GCNT1: variants seen among roughly 807,000 people sequenced by gnomAD.
GCNT1 encodes beta-1,3-galactosyl-O-glycosyl-glycoprotein beta-1,6-N-acetylglucosaminyltransferase.
In GCNT1, 16 loss-of-function variants were observed where a neutral mutation model predicts 26.2. That is an observed-to-expected ratio of 0.61 (90% CI 0.41 to 0.93). The LOEUF (loss-of-function observed/expected upper bound fraction) is 0.93. GCNT1 is among the 40% of genes least tolerant of loss of function. The probability of loss-of-function intolerance (pLI) is 0.00; values close to 1 mark genes in which losing one functional copy is unlikely to be tolerated. For missense variants in GCNT1, 477 were observed against 526.7 expected (o/e 0.91, Z 0.92); for synonymous variants, 183 against 190.8 (o/e 0.96, Z 0.34).
intron 1 of GCNT1, among the ~76,000 whole-genome samples, chr9:76,447,151 CAAAAAAAAAAAA>C (rs532132124): frequency 0.04 from 1,456 of 36,100 alleles, 46 homozygotes; most frequent in Non-Finnish European, 0.044. Flanking sequence ...AACCCTGTGT[CAAAAAAAAAAAA>C]AAAAAAAAAA....
chr9:76,456,639 C>T (rs1823762059), upstream of GCNT1, among the ~76,000 whole-genome samples: 1 of 152,210 alleles, frequency 6.6e-6, no homozygotes, highest in Non-Finnish European at 1.5e-5. Flanking sequence ...ACCTTCTAAA[C>T]TACTTGTATA....
intron 2 of GCNT1, among the ~76,000 whole-genome samples, chr9:76,491,095 CTCTT>C (rs1322954164): frequency 2.6e-5 from 4 of 152,272 alleles, no homozygotes; most frequent in South Asian, 2.1e-4. Context: ...ACTTCCATCT[CTCTT>C]TCTTTCTCTT....
At chr9:76,399,442 G>T in the GCNT1 span, 1 of 1,550,316 alleles carries the variant, frequency 6.5e-7, no homozygotes, top group East Asian at 2.2e-5. Context: ...TTGCAGACTG[G>T]TCTGAAGGTG....
At chr9:76,489,107 A>T (rs1231451928) in intron 2 of GCNT1, among the ~76,000 whole-genome samples, 2 of 152,142 alleles carry the variant, frequency 1.3e-5, no homozygotes, top group Non-Finnish European at 2.9e-5. Context: ...TAAGGTACCT[A>T]TATCTGGTCT....
chr9:76,476,427 G>GAA (rs757427639), intron 2 of GCNT1, among the ~76,000 whole-genome samples: 1 of 138,476 alleles, frequency 7.2e-6, no homozygotes, highest in African/African-American at 2.7e-5. Flanking sequence ...TTTTAGATTT[G>GAA]AAAAAAAAAA....
rs761863720 is a variant in GCNT1, at chr9:76,502,401, G to A, written c.20G>A (p.Arg7Gln). Residue 7 changes from arginine to glutamine, a missense_variant, in exon 4 of 4, where the codon CGA becomes CAA. Transcript: ENST00000376730. MLRTLLRRRLFSYPTKY... is the reference protein window; with the variant it reads MLRTLLQRRLFSYPTKY... ...TTTGAAATGCTGAGGACGTTGCTGC[G>A]AAGGAGACTTTTTTCTTATCCCACC... is the stretch of plus-strand genomic sequence containing the variant. 3.7e-6 allele frequency: 6 copies of A among 1,611,888 alleles called. No homozygotes were observed. The highest frequency in any genetic ancestry group is 4.5e-5 in the East Asian group (2 of 44,858).
intron 2 of GCNT1, among the ~76,000 whole-genome samples, chr9:76,490,559 C>T (rs1424924500): frequency 6.6e-6 from 1 of 152,190 alleles, no homozygotes; most frequent in Admixed American, 6.5e-5. Flanking sequence ...ACACTGTTAA[C>T]GTTTAGCGAA....
chr9:76,463,234 TA>T (rs1216292261), intron 2 of GCNT1, among the ~76,000 whole-genome samples: 1 of 152,150 alleles, frequency 6.6e-6, no homozygotes, highest in Non-Finnish European at 1.5e-5. Context: ...AACTAATTTG[TA>T]AAACTCAGGA....
At chr9:76,446,637 C>T (rs1347312284) in intron 1 of GCNT1, among the ~76,000 whole-genome samples, 2 of 151,928 alleles carry the variant, frequency 1.3e-5, no homozygotes, top group East Asian at 3.9e-4. Context: ...TTTATAATAG[C>T]AAAAAACTGG....
intron 3 of GCNT1, among the ~76,000 whole-genome samples, 156 bp downstream of exon 3, chr9:76,501,217 T>G (rs1322878429): frequency 6.6e-6 from 1 of 152,250 alleles, no homozygotes; most frequent in Admixed American, 6.5e-5. Flanking sequence ...GAAATCTTGT[T>G]ATGAACAGAT....
In GCNT1 at chr9:76,504,413, C is replaced by T. The variant is rs1029465681; in HGVS notation, c.*745C>T. On this transcript the variant is annotated 3_prime_UTR_variant, in exon 4 of 4. Transcript: ENST00000376730. Reference sequence around the variant, plus strand: ...AAATTATAGCTTCTACCAAGAGAAACACTCAATTTTTCTAGAGATTTGCCT... The same window carrying T: ...AAATTATAGCTTCTACCAAGAGAAATACTCAATTTTTCTAGAGATTTGCCT... 9 of 214,380 alleles carry T rather than the reference C, an allele frequency of 4.2e-5. No individual in the cohort carries two copies. The highest frequency in any genetic ancestry group is 8.0e-5 in the Non-Finnish European group (8 of 99,936). 13.3% of individuals were successfully genotyped at this position (214,380 alleles called of 1,614,324 possible). A position where few individuals can be genotyped will look rare whatever the true frequency, so the allele number is the denominator to read the frequency against.
chr9:76,483,588 A>G (rs540916158), intron 2 of GCNT1, among the ~76,000 whole-genome samples: 18 of 151,610 alleles, frequency 1.2e-4, no homozygotes, highest in African/African-American at 4.4e-4. Context: ...CTAATTTTTA[A>G]ATTTTTCTTG....
chr9:76,491,895 T>C (rs1022146732), intron 2 of GCNT1, among the ~76,000 whole-genome samples: 9 of 152,180 alleles, frequency 5.9e-5, no homozygotes, highest in Non-Finnish European at 1.3e-4. Flanking sequence ...GCCATGAACT[T>C]CCTTTGGCAC....
upstream of GCNT1, among the ~76,000 whole-genome samples, chr9:76,456,336 C>T (rs1274336552): frequency 6.6e-6 from 1 of 152,152 alleles, no homozygotes; most frequent in Non-Finnish European, 1.5e-5. Flanking sequence ...CATCCAGCCT[C>T]AATATTTACC....
upstream of GCNT1, among the ~76,000 whole-genome samples, chr9:76,414,932 A>AGCCAAGCAG (rs1458162875): frequency 2.0e-5 from 3 of 152,194 alleles, no homozygotes; most frequent in Non-Finnish European, 1.5e-5. Flanking sequence ...CTGGGATGGC[A>AGCCAAGCAG]GCCAAGCAGG....
intron 1 of GCNT1, among the ~76,000 whole-genome samples, chr9:76,423,433 T>C (rs1183215444): frequency 1.3e-5 from 2 of 152,228 alleles, no homozygotes; most frequent in Admixed American, 6.5e-5. Flanking sequence ...AAAAAGGCCC[T>C]TGCAAGATGC....
chr9:76,428,265 C>CAAAAA (rs869195487), intron 1 of GCNT1, among the ~76,000 whole-genome samples: 676 of 29,700 alleles, frequency 0.023, 54 homozygotes, highest in African/African-American at 0.065. Context: ...GACTCCGTCT[C>CAAAAA]AAAAAAAAAA....
chr9:76,422,619 C>T (rs1425700628), intron 1 of GCNT1, among the ~76,000 whole-genome samples: 2 of 152,154 alleles, frequency 1.3e-5, no homozygotes, highest in South Asian at 4.1e-4. Flanking sequence ...TTATGGCTCA[C>T]TGCACTCACT....
chr9:76,394,428 C>A, the GCNT1 span: 3 of 413,604 alleles, frequency 7.3e-6, no homozygotes, highest in African/African-American at 4.2e-5. Context: ...GAAGTAAGTG[C>A]CGGGTGTGAG....
Sources: gnomAD v4.1 joint callset for allele counts (sites outside exome capture counted in the v4.1 genomes callset) on GRCh38, gnomAD v4.1.1 for gene constraint, MANE v1.5 for transcripts, NCBI Gene and HGNC (gene_info 2026-07-23, HGNC 2026-07-21) for gene names.